The following TMEM116 variants were observed in gnomAD, a reference collection of about 807,000 sequenced individuals.
The protein encoded by TMEM116 is transmembrane protein 116.
In TMEM116, 38 loss-of-function variants were observed where a neutral mutation model predicts 44.3. The observed-to-expected ratio is 0.86, with a 90% CI of 0.66 to 1.12. The LOEUF (loss-of-function observed/expected upper bound fraction) is 1.12. Among genes scored for constraint, TMEM116 ranks in the 50% most tolerant of loss-of-function variants. TMEM116 has a pLI of 0.00. For synonymous variants in TMEM116, 132 were observed against 144.8 expected (o/e 0.91, Z 0.64); for missense variants, 354 against 401.7 (o/e 0.88, Z 1.01).
chr12:111,977,617 GA>G (rs1168549548), intron 4 of TMEM116, among the ~76,000 whole-genome samples: 2 of 151,152 alleles, frequency 1.3e-5, no homozygotes, highest in Non-Finnish European at 3.0e-5. Context: ...TCTACATAAA[GA>G]AAAAAAATCA....
intron 4 of TMEM116, among the ~76,000 whole-genome samples, chr12:111,958,473 A>C (rs970103572): frequency 6.6e-6 from 1 of 152,086 alleles, no homozygotes; most frequent in Non-Finnish European, 1.5e-5. Context: ...CCAGCAAGGG[A>C]ACAAAACTGG....
At chr12:112,001,575 G>A (rs1474486989) in intron 3 of TMEM116, among the ~76,000 whole-genome samples, 1 of 152,182 alleles carries the variant, frequency 6.6e-6, no homozygotes, top group African/African-American at 2.4e-5. Flanking sequence ...ACGTCCTAAT[G>A]TACAGGACTA....
intron 5 of TMEM116, among the ~76,000 whole-genome samples, chr12:111,942,494 A>G (rs1239688560): frequency 6.6e-6 from 1 of 152,070 alleles, no homozygotes; most frequent in Non-Finnish European, 1.5e-5. Context: ...GAATGGTGTC[A>G]ATCTCCTGAC....
intron 4 of TMEM116, among the ~76,000 whole-genome samples, chr12:111,946,433 G>T (rs943739391): frequency 6.6e-6 from 1 of 152,212 alleles, no homozygotes; most frequent in African/African-American, 2.4e-5. Flanking sequence ...GGAAACAAAC[G>T]GATGGGCCAA....
At position 111,960,719 on chromosome 12, in the gene TMEM116, G is replaced by A. The variant is rs11534814; in HGVS notation, c.211-17350C>T. Among the ~76,000 whole-genome samples the A allele has an allele frequency of 0.055, 8,417 of 151,992 alleles. 1,297 individuals are homozygous for A. In the East Asian group the frequency reaches 0.61, roughly 11 times the overall value. ...TTATAGCACTAAATGCCCACAGGAG[G>A]AAGCAAGAAAAATTTAAATCAACAC... On this transcript the variant is annotated intron_variant, in intron 4 of 10. Coordinates refer to ENST00000552374, the MANE Select transcript of TMEM116 (RefSeq NM_001193531.2).
chr12:111,993,182 T>C (rs2076717851), intron 3 of TMEM116: 2 of 360,746 alleles, frequency 5.5e-6, no homozygotes, highest in African/African-American at 2.1e-5. Context: ...CGAAGTATTA[T>C]GCATTGTGTG....
At chr12:111,970,572 T>C (rs9971871) in intron 4 of TMEM116, among the ~76,000 whole-genome samples, 29,402 of 150,460 alleles carry the variant, frequency 0.2, 3,094 homozygotes, top group Middle Eastern at 0.27. Flanking sequence ...TTAAGGCACT[T>C]CATAATCAAA....
At chr12:111,989,361 A>G (rs925851805) in intron 4 of TMEM116, among the ~76,000 whole-genome samples, 1 of 152,244 alleles carries the variant, frequency 6.6e-6, no homozygotes, top group Non-Finnish European at 1.5e-5. Flanking sequence ...TCTAGAAGAA[A>G]GGCAGCCAGG....
chr12:111,958,206 C>G (rs1321652988), intron 4 of TMEM116, among the ~76,000 whole-genome samples: 1 of 148,504 alleles, frequency 6.7e-6, no homozygotes, highest in Non-Finnish European at 1.5e-5. Flanking sequence ...GCTGACCTTC[C>G]CTCCACTATT....
chr12:111,965,690 C>A (rs1431585753), intron 4 of TMEM116: 2 of 370,120 alleles, frequency 5.4e-6, no homozygotes, highest in Non-Finnish European at 5.4e-6. Context: ...TTTGGGAGGC[C>A]CAAGCGGTGA....
At chr12:111,966,561 T>G (rs1170526949) in intron 4 of TMEM116, among the ~76,000 whole-genome samples, 2 of 152,202 alleles carry the variant, frequency 1.3e-5, no homozygotes, top group South Asian at 2.1e-4. Flanking sequence ...TACTCAGTTT[T>G]TAAAAGAGAA....
chr12:112,007,189 T>C (rs2077626409), intron 1 of TMEM116, among the ~76,000 whole-genome samples: 1 of 152,010 alleles, frequency 6.6e-6, no homozygotes. Flanking sequence ...CCAAGTCAGG[T>C]GGATCACTTG....
At chr12:111,974,996 T>C (rs748229628) in intron 4 of TMEM116, among the ~76,000 whole-genome samples, 28 of 152,226 alleles carry the variant, frequency 1.8e-4, no homozygotes, top group Non-Finnish European at 3.4e-4. Flanking sequence ...AGAGAGATAC[T>C]GAAGAAGACC....
chr12:111,953,355 C>T (rs2073871971), intron 4 of TMEM116, among the ~76,000 whole-genome samples: 1 of 152,102 alleles, frequency 6.6e-6, no homozygotes, highest in Non-Finnish European at 1.5e-5. Flanking sequence ...TTCAATCAAA[C>T]AACCAGGATG....
chr12:111,931,628 A>C lies in TMEM116; in HGVS notation c.1007T>G (p.Ile336Ser). 2 of 1,614,088 alleles carry C rather than the reference A, an allele frequency of 1.2e-6. No homozygotes were observed. Among genetic ancestry groups the C allele is most frequent in the Non-Finnish European group, 1.7e-6 (2 of 1,179,944 alleles). The change falls in exon 11 of 11, where the codon ATT (isoleucine) becomes AGT (serine). Residue 336 changes from isoleucine (I) to serine (S), a missense_variant. By Grantham distance (142) the Ile-to-Ser change is moderately radical (BLOSUM62 -2). Coordinates refer to ENST00000552374, the MANE Select transcript of TMEM116 (RefSeq NM_001193531.2). ...TGTTCCAGTATTGTAGTTTCAAAAA[A>C]TGGTAGAAGTACTGGCAGGAAAAGT... ...TLTFPASTST[I>S]F is the part of the protein sequence containing the mutation.
chr12:111,994,337 C>G (rs2076805887), intron 3 of TMEM116, among the ~76,000 whole-genome samples: 1 of 152,144 alleles, frequency 6.6e-6, no homozygotes, highest in Non-Finnish European at 1.5e-5. Context: ...ATCGTGGGAT[C>G]TGGCCAGCAG....
intron 5 of TMEM116, among the ~76,000 whole-genome samples, chr12:111,941,974 C>T (rs1467936169): frequency 2.6e-5 from 4 of 152,078 alleles, no homozygotes; most frequent in African/African-American, 4.8e-5. Context: ...GTTTTGCTCT[C>T]GTTGCCCAGG....
chr12:111,952,965 T>C (rs1035037725), intron 4 of TMEM116, among the ~76,000 whole-genome samples: 2 of 152,218 alleles, frequency 1.3e-5, no homozygotes, highest in African/African-American at 4.8e-5. Context: ...ACTGGTTGCC[T>C]TTAATCCTAG....
intron 3 of TMEM116, among the ~76,000 whole-genome samples, chr12:111,992,333 G>A (rs1165864141): frequency 6.6e-6 from 1 of 150,688 alleles, no homozygotes; most frequent in African/African-American, 2.4e-5. Flanking sequence ...GCAGTGGCAC[G>A]ATCTCGGCTC....
Sources: gnomAD v4.1 joint callset for allele counts (sites outside exome capture counted in the v4.1 genomes callset) on GRCh38, gnomAD v4.1.1 for gene constraint, MANE v1.5 for transcripts, NCBI Gene and HGNC (gene_info 2026-07-23, HGNC 2026-07-21) for gene names.